PRKN: variants seen among roughly 807,000 people sequenced by gnomAD.
The protein encoded by PRKN is E3 ubiquitin-protein ligase parkin.
Under a neutral mutation model 59.5 loss-of-function variants are expected in PRKN, and 56 were observed. That is an observed-to-expected ratio of 0.94 (90% confidence interval 0.76 to 1.18). The LOEUF is 1.18. Among genes scored for constraint, PRKN ranks in the 50% most tolerant of loss-of-function variants. The pLI is 0.00. For missense variants in PRKN, 657 were observed against 596.4 expected, an observed-to-expected ratio of 1.10 and a Z score of -1.06; for synonymous variants, 250 against 222.1, an observed-to-expected ratio of 1.13 and a Z score of -1.12.
chr6:162,504,116 C>T (rs12524175), intron 1 of PRKN, among the ~76,000 whole-genome samples: 43,130 of 151,858 alleles, frequency 0.28, 7,033 homozygotes, highest in Middle Eastern at 0.37. Flanking sequence ...GGCAGGCTGA[C>T]GGGAAACTCC....
rs564630860 is a variant in PRKN, at chr6:161,688,527, A to G, written c.871+97245T>C. Among the ~76,000 whole-genome samples the G allele has an allele frequency of 4.6e-5, 7 of 152,292 alleles. No individual in the cohort carries two copies. The East Asian group carries it at 7.7e-4, about 17-fold the overall frequency. On this transcript the variant is annotated intron_variant, in intron 7 of 11. Coordinates refer to ENST00000366898, the MANE Select transcript of PRKN (RefSeq NM_004562.3). ...AAATTTCATTCCTTTATGAACTTCA[A>G]ATTTGCTGCTACTAAAAACATGATT...
intron 7 of PRKN, among the ~76,000 whole-genome samples, chr6:161,591,933 G>C (rs1781740274): frequency 1.3e-5 from 2 of 151,864 alleles, no homozygotes; most frequent in Admixed American, 1.3e-4. Flanking sequence ...TTGTCCCTTG[G>C]CGTCCAAGGA....
chr6:162,309,362 A>C (rs899419345), intron 2 of PRKN, among the ~76,000 whole-genome samples: 1 of 152,100 alleles, frequency 6.6e-6, no homozygotes, highest in African/African-American at 2.4e-5. Flanking sequence ...ATGGGGTTTT[A>C]CCATGTTGGT....
intron 5 of PRKN, among the ~76,000 whole-genome samples, chr6:162,051,161 C>A (rs1270959776): frequency 6.6e-6 from 1 of 152,122 alleles, no homozygotes; most frequent in African/African-American, 2.4e-5. Context: ...CCAAAGCTGT[C>A]GCCTCCTTCA....
At chr6:162,565,875 A>C (rs1780054602) in intron 1 of PRKN, among the ~76,000 whole-genome samples, 1 of 152,210 alleles carries the variant, frequency 6.6e-6, no homozygotes. Context: ...ATTGAAAATA[A>C]AGGGATGGAA....
At chr6:161,681,741 T>C (rs1353110509) in intron 7 of PRKN, among the ~76,000 whole-genome samples, 1 of 152,176 alleles carries the variant, frequency 6.6e-6, no homozygotes, top group Non-Finnish European at 1.5e-5. Context: ...ATGACACAGC[T>C]GTGGTCAGGA....
rs1037640455 is a variant in PRKN, at chr6:161,428,651, C to T, written c.1084-41774G>A. 6.6e-6 allele frequency among the ~76,000 whole-genome samples: 1 copy of T among 152,222 alleles called. No homozygotes were observed. The highest frequency in any genetic ancestry group is 1.9e-4 in the East Asian group (1 of 5,206). ...AAGGGCGATTCTTTGTCAACTGCTA[C>T]TGTCTTGCTAAAGAATCAGCAATTC... On this transcript the variant is annotated intron_variant, in intron 9 of 11. Coordinates refer to ENST00000366898, the MANE Select transcript of PRKN (RefSeq NM_004562.3). The surrounding 1 kb of genome is among the most constrained non-coding windows in gnomAD (Gnocchi z 4.0).
chr6:162,647,503 C>A (rs1289262710), intron 1 of PRKN, among the ~76,000 whole-genome samples: 1 of 151,898 alleles, frequency 6.6e-6, no homozygotes, highest in Admixed American at 6.6e-5. Flanking sequence ...GTCTTAACAG[C>A]CTTAAAAATC....
Position 162,327,629 on chromosome 6 carries a change from A to G in PRKN, c.172-64864T>C, listed in dbSNP as rs62430694. On this transcript the variant is annotated intron_variant, in intron 2 of 11. Coordinates refer to ENST00000366898, the MANE Select transcript of PRKN (RefSeq NM_004562.3). ...GTTTTGAAAATGTTAGGTCCTTGAC[A>G]ATGGTCTTCTCTACAGTTTTCAATG... 3.8e-3 allele frequency among the ~76,000 whole-genome samples: 263 copies of G among 69,992 alleles called. 7 individuals carry two copies. The highest frequency in any genetic ancestry group is 0.034 in the East Asian group (116 of 3,396). The allele number at this position is 69,992 out of a possible 152,430, so 45.9% of individuals were successfully genotyped here. A position where few individuals can be genotyped will look rare whatever the true frequency, so the allele number is the denominator to read the frequency against.
At chr6:162,456,152 CT>C in intron 1 of PRKN, among the ~76,000 whole-genome samples, 1 of 152,216 alleles carries the variant, frequency 6.6e-6, no homozygotes, top group Middle Eastern at 3.4e-3. Context: ...AATAAAATCT[CT>C]TCTATTCCAA....
intron 1 of PRKN, among the ~76,000 whole-genome samples, chr6:162,494,091 T>G (rs1197061748): frequency 6.6e-6 from 1 of 152,226 alleles, no homozygotes; most frequent in Non-Finnish European, 1.5e-5. Context: ...CCACTGTGGC[T>G]GTCTGGACTA....
At chr6:162,573,426 G>A (rs1277837551) in intron 1 of PRKN, among the ~76,000 whole-genome samples, 2 of 151,832 alleles carry the variant, frequency 1.3e-5, no homozygotes, top group Admixed American at 6.6e-5. Flanking sequence ...CCTTCCTGAG[G>A]ATCATAACAC....
chr6:161,849,706 T>TGAACA (rs1331494165), intron 6 of PRKN, among the ~76,000 whole-genome samples: 1 of 152,202 alleles, frequency 6.6e-6, no homozygotes, highest in Non-Finnish European at 1.5e-5. Flanking sequence ...TCTTTAACAG[T>TGAACA]GAACAGAATT....
Position 162,195,941 on chromosome 6 carries a change from A to G in PRKN, c.534+5190T>C, listed in dbSNP as rs149984796. On this transcript the variant is annotated intron_variant, in intron 4 of 11. Coordinates refer to ENST00000366898, the MANE Select transcript of PRKN (RefSeq NM_004562.3). ...GTGCTCTCAGCTCACTTCTATGTCA[A>G]TTCTATCTTCTAATTATTATTAAAG... Among the ~76,000 whole-genome samples, 376 of 152,306 alleles carry G rather than the reference A, an allele frequency of 2.5e-3. 1 individual carries two copies. Among genetic ancestry groups the G allele is most frequent in the African/African-American group, 8.4e-3 (351 of 41,574 alleles).
intron 7 of PRKN, among the ~76,000 whole-genome samples, chr6:161,666,548 C>T (rs1441223559): frequency 1.3e-5 from 2 of 152,162 alleles, no homozygotes; most frequent in African/African-American, 4.8e-5. Context: ...CACATAGCTG[C>T]CCCTCACCAC....
intron 2 of PRKN, among the ~76,000 whole-genome samples, chr6:162,364,577 C>G (rs1785320586): frequency 6.6e-6 from 1 of 152,178 alleles, no homozygotes; most frequent in Non-Finnish European, 1.5e-5. Context: ...TCTCAAAATA[C>G]TCTTTCAAAT....
chr6:161,715,117 G>C lies in PRKN; in HGVS notation c.871+70655C>G, dbSNP rs542638093. On this transcript the variant is annotated intron_variant, in intron 7 of 11. Transcript: ENST00000366898. ...ACCTCCGCTCAGTCCACATTGCTGG[G>C]TTTTTATAACGAAAATGTGCACATT... Among the ~76,000 whole-genome samples, 12 of 152,296 alleles carry C rather than the reference G, an allele frequency of 7.9e-5. No homozygotes were observed. In the South Asian group the frequency reaches 2.5e-3, roughly 32 times the overall value.
At chr6:161,971,631 G>A (rs1780812017) in intron 6 of PRKN, among the ~76,000 whole-genome samples, 1 of 152,190 alleles carries the variant, frequency 6.6e-6, no homozygotes, top group African/African-American at 2.4e-5. Context: ...GGTGCTTCCT[G>A]CCACAGCAGT....
chr6:161,876,092 T>G (rs185812145), intron 6 of PRKN, among the ~76,000 whole-genome samples: 263 of 152,294 alleles, frequency 1.7e-3, no homozygotes, highest in Admixed American at 6.1e-3. Flanking sequence ...ATTTTTGTGC[T>G]GAAAGACACA....
Sources: allele counts gnomAD v4.1 joint callset (sites outside exome capture counted in the v4.1 genomes callset), GRCh38; gene constraint gnomAD v4.1.1; non-coding constraint Gnocchi (gnomAD v3.1); transcripts MANE v1.5; gene names NCBI Gene and HGNC (gene_info 2026-07-23, HGNC 2026-07-21).